HEATR9: variants seen among roughly 807,000 people sequenced by gnomAD.
HEATR9 encodes HEAT repeat containing 9.
In HEATR9, 54 loss-of-function variants were observed where a neutral mutation model predicts 68.2. The observed-to-expected ratio is 0.79, with a 90% CI of 0.64 to 0.99. HEATR9 has a LOEUF of 0.99. Among genes scored for constraint, HEATR9 ranks in the 50% least tolerant of loss-of-function variants. The pLI is 0.00. For synonymous variants in HEATR9, 241 were observed against 253.5 expected (o/e 0.95, Z 0.47); for missense variants, 662 against 679.7 (o/e 0.97, Z 0.29).
rs908088190 is a variant in HEATR9 at position 35,865,316 on chromosome 17, G to T, written c.219C>A (p.Tyr73Ter). The change falls in exon 3 of 15, where the codon TAC becomes TAA. Residue 73 changes from tyrosine to a stop codon, truncating the protein, a stop_gained. Transcript: ENST00000604834. LOFTEE classifies it high-confidence loss of function. ...GCGTGTAGATCTCAGGTTTCTTGAA[G>T]TAGCAGTACGGGACTGAGTTTGGCT... The part of the protein sequence containing the change: ...PSKPNSVPYC[Y>*]FKKPEIYTHW... 8 of 1,513,916 alleles carry T rather than the reference G, an allele frequency of 5.3e-6. No homozygotes were observed. Among genetic ancestry groups the T allele is most frequent in the African/African-American group, 2.0e-5 (1 of 51,080 alleles). 93.8% of individuals were successfully genotyped at this position (1,513,916 alleles called of 1,614,324 possible).
intron 9 of HEATR9, 28 bp downstream of exon 9, chr17:35,858,860 A>G (rs752490965): frequency 6.2e-7 from 1 of 1,607,052 alleles, no homozygotes; most frequent in East Asian, 2.2e-5. Context: ...CTGTTTCCCC[A>G]GGGATCCCAG....
At chr17:35,867,692 A>G (rs2088258568) in intron 1 of HEATR9, among the ~76,000 whole-genome samples, 2 of 152,090 alleles carry the variant, frequency 1.3e-5, no homozygotes, top group Admixed American at 1.3e-4. Context: ...GTTAAAACAC[A>G]GATTTCTGGG....
intron 8 of HEATR9, 165 bp downstream of exon 8, chr17:35,862,830 C>A: frequency 2.1e-6 from 2 of 948,388 alleles, no homozygotes; most frequent in Admixed American, 2.7e-5. Flanking sequence ...TAGTAAGTGG[C>A]CAAGCCATAT....
chr17:35,865,446 C>A, intron 2 of HEATR9, 50 bp from the exon 3 acceptor site: 1 of 1,475,058 alleles, frequency 6.8e-7, no homozygotes, highest in South Asian at 1.2e-5. Flanking sequence ...TAGGCCCTTA[C>A]TTGTGAGGGT....
In HEATR9 at chr17:35,864,287, G is replaced by A. The variant is rs768820908; in HGVS notation, c.526C>T (p.Arg176Cys). The A allele has an allele frequency of 2.5e-6, 4 of 1,611,966 alleles. No individual in the cohort carries two copies. The highest frequency in any genetic ancestry group is 2.7e-5 in the African/African-American group (2 of 74,886). ...TCCATGACAAACTTGTCACTGATGC[G>A]TAAGCATCCCAGAGCCTGCAGGAAG... The part of the protein sequence containing the change: ...FYAAQALGCL[R>C]ISDKFVMEAL... Residue 176 changes from arginine to cysteine, a missense_variant, in exon 6 of 15, where the codon CGC becomes TGC. Coordinates refer to ENST00000604834, the MANE Select transcript of HEATR9 (RefSeq NM_152781.4).
At position 35,864,558 on chromosome 17, in the gene HEATR9, C is replaced by A; in HGVS notation, c.454-5G>T. 6.2e-7 allele frequency: 1 copy of A among 1,612,976 alleles called. No homozygotes were observed. Among genetic ancestry groups the A allele is most frequent in the Non-Finnish European group, 8.5e-7 (1 of 1,179,686 alleles). On this transcript the variant is annotated splice_polypyrimidine_tract_variant and splice_region_variant and intron_variant, in intron 4 of 14. Coordinates refer to ENST00000604834, the MANE Select transcript of HEATR9 (RefSeq NM_152781.4). Reference sequence around the variant, plus strand: ...TTCCAGGCTTTTTGTGAGTTCCTGCCCATCCAAGGCAGCCAGTGGAAAGGA... The same window carrying A: ...TTCCAGGCTTTTTGTGAGTTCCTGCACATCCAAGGCAGCCAGTGGAAAGGA...
In HEATR9 at chr17:35,858,282, C is replaced by A; in HGVS notation, c.1070G>T (p.Gly357Val). The part of the protein sequence containing the change: ...FEATQMLKTI[G>V]LEQIQAQGLE... Reference sequence around the variant, plus strand: ...CCCCTGTGCCTGGATCTGTTCCAGCCCAATGGTCTTGAGCATTTGGGTGGC... The same window carrying A: ...CCCCTGTGCCTGGATCTGTTCCAGCACAATGGTCTTGAGCATTTGGGTGGC... Residue 357 changes from glycine (G) to valine (V), a missense_variant, in exon 11 of 15, where the codon GGG (glycine) becomes GTG (valine). Transcript: ENST00000604834. 4.3e-6 allele frequency: 7 copies of A among 1,614,104 alleles called. No homozygotes were observed. The highest frequency in any genetic ancestry group is 5.9e-6 in the Non-Finnish European group (7 of 1,180,016).
chr17:35,858,059 T>A, intron 11 of HEATR9, 141 bp downstream of exon 11: 1 of 1,230,958 alleles, frequency 8.1e-7, no homozygotes, highest in Non-Finnish European at 1.2e-6. Flanking sequence ...CAAGGTGATA[T>A]AAAAACCTGG....
At chr17:35,857,284 G>C (rs1041937449) in intron 11 of HEATR9, among the ~76,000 whole-genome samples, 4 of 152,168 alleles carry the variant, frequency 2.6e-5, no homozygotes, top group African/African-American at 9.7e-5. Context: ...GGACATGGTT[G>C]TCGTAAGCAT....
chr17:35,863,959 G>A lies in HEATR9; in HGVS notation c.567+287C>T, dbSNP rs2088096688. ...ATATGCGGTGTTTCCAGTAAAGGCAGAGAATGTACTCTGTTCTGGCTTTCA... is the reference window on the plus strand; with the variant it reads ...ATATGCGGTGTTTCCAGTAAAGGCAAAGAATGTACTCTGTTCTGGCTTTCA... On this transcript the variant is annotated intron_variant, in intron 6 of 14. Coordinates refer to ENST00000604834, the MANE Select transcript of HEATR9 (RefSeq NM_152781.4). 7.3e-6 allele frequency: 4 copies of A among 544,236 alleles called. No individual in the cohort carries two copies. In the South Asian group the frequency reaches 1.0e-4, roughly 14 times the overall value. 33.7% of individuals were successfully genotyped at this position (544,236 alleles called of 1,614,324 possible).
chr17:35,865,101 T>C (rs2088148513), intron 3 of HEATR9, 114 bp downstream of exon 3: 1 of 1,369,506 alleles, frequency 7.3e-7, no homozygotes, highest in African/African-American at 1.4e-5. Context: ...TAAGCTCCTC[T>C]CTGGGACCTG....
intron 6 of HEATR9, 36 bp from the exon 7 acceptor site, chr17:35,863,595 A>T (rs768209966): frequency 6.3e-7 from 1 of 1,598,662 alleles, no homozygotes; most frequent in African/African-American, 1.3e-5. Flanking sequence ...ACATATAATA[A>T]GGTGATGGAA....
chr17:35,860,558 C>T (rs1378676592), intron 8 of HEATR9, among the ~76,000 whole-genome samples: 7 of 149,098 alleles, frequency 4.7e-5, no homozygotes, highest in Non-Finnish European at 1.5e-5. Context: ...GGCACGATCT[C>T]GGCTCACTGC....
At chr17:35,856,956 A>T in intron 11 of HEATR9, 151 bp from the exon 12 acceptor site, 1 of 712,576 alleles carries the variant, frequency 1.4e-6, no homozygotes, top group East Asian at 2.7e-5. Flanking sequence ...CAGACAGGTA[A>T]ATAGGCAATT....
chr17:35,855,662 A>G lies in HEATR9; in HGVS notation c.1365+2T>C. On this transcript the variant is annotated splice_donor_variant, in intron 14 of 14. Coordinates refer to ENST00000604834, the MANE Select transcript of HEATR9 (RefSeq NM_152781.4). LOFTEE classifies it high-confidence loss of function. The stretch of plus-strand genomic sequence containing the variant: ...AGAAGTGGGCAGGAACGCCTTACTT[A>G]CACTCTTCTTCACAGCCTGGTGGTT... The G allele has an allele frequency of 2.5e-6, 4 of 1,613,714 alleles. No individual in the cohort carries two copies. The highest frequency in any genetic ancestry group is 3.4e-6 in the Non-Finnish European group (4 of 1,179,650).
At chr17:35,864,187 G>T in intron 6 of HEATR9, 59 bp downstream of exon 6, 1 of 1,445,152 alleles carries the variant, frequency 6.9e-7, no homozygotes, top group Non-Finnish European at 9.7e-7. Flanking sequence ...GTGCCCACAT[G>T]CCACACATCT....
Position 35,868,860 on chromosome 17 carries a change from G to T in HEATR9, c.-118C>A. ...GTGGTACGAGAGGTACAGGGGAGGT[G>T]TCTGGACTTCTGGAGGTAGAAGCTT... On this transcript the variant is annotated 5_prime_UTR_variant, in exon 1 of 15. Transcript: ENST00000604834. 2 of 834,260 alleles carry T rather than the reference G, an allele frequency of 2.4e-6. No homozygotes were observed. The highest frequency in any genetic ancestry group is 1.9e-6 in the Non-Finnish European group (1 of 526,134). The allele number at this position is 834,260 out of a possible 1,614,324, so 51.7% of individuals were successfully genotyped here. A position where few individuals can be genotyped will look rare whatever the true frequency, so the allele number is the denominator to read the frequency against.
intron 1 of HEATR9, among the ~76,000 whole-genome samples, chr17:35,866,978 G>T (rs543780774): frequency 8.6e-5 from 13 of 151,958 alleles, no homozygotes; most frequent in East Asian, 1.9e-4. Flanking sequence ...CCAGCCAGGC[G>T]CAGTGGCTCA....
In HEATR9 at chr17:35,858,218, C is replaced by G. The variant is rs764812078; in HGVS notation, c.1134G>C (p.Thr378=). Residue 378 remains threonine (T), a synonymous_variant, in exon 11 of 15, where the codon ACG becomes ACC. Coordinates refer to ENST00000604834, the MANE Select transcript of HEATR9 (RefSeq NM_152781.4). ...CACTTACAAGGAAGGGTTCATTATG[C>G]GTCTTCCTCCTGAGCAGGTTAAATG... The part of the protein sequence containing the change: ...ELTFNLLRRK[T]HNEPFLAVRQ... 2.5e-6 allele frequency: 4 copies of G among 1,614,094 alleles called. No homozygotes were observed. Among genetic ancestry groups the G allele is most frequent in the African/African-American group, 1.3e-5 (1 of 75,006 alleles).
Sources: allele counts gnomAD v4.1 joint callset (sites outside exome capture counted in the v4.1 genomes callset), GRCh38; gene constraint gnomAD v4.1.1; transcripts MANE v1.5; gene names NCBI Gene and HGNC (gene_info 2026-07-23, HGNC 2026-07-21).